Variants in WDR48 observed in about 807,000 individuals in gnomAD.
WDR48 encodes the protein WD repeat-containing protein 48.
WDR48 carries 22 observed loss-of-function variants against 94.0 expected under a neutral mutation model. That is an observed-to-expected ratio of 0.23 (90% CI 0.17 to 0.33). WDR48 has a LOEUF of 0.33. Among genes scored for constraint, WDR48 ranks in the 10% least tolerant of loss-of-function variants. WDR48 has a pLI of 1.00. For missense variants in WDR48, 541 were observed against 813.8 expected (o/e 0.66, Z 4.08); for synonymous variants, 278 against 280.5 (o/e 0.99, Z 0.09).
intron 1 of WDR48, chr3:39,052,499 G>C (rs1375720898): frequency 1.1e-5 from 2 of 177,718 alleles, no homozygotes; most frequent in African/African-American, 4.8e-5. Flanking sequence ...CTTGTGCGGG[G>C]GCGTGGCGAG....
intron 17 of WDR48, 35 bp from the exon 18 acceptor site, chr3:39,093,839 C>A: frequency 6.8e-7 from 1 of 1,472,860 alleles, no homozygotes; most frequent in African/African-American, 1.4e-5. Flanking sequence ...CTAGTGATTT[C>A]CCTGATGTCA....
intron 1 of WDR48, 39 bp downstream of exon 1, chr3:39,052,112 G>C (rs752444636): frequency 2.5e-6 from 4 of 1,611,024 alleles, no homozygotes; most frequent in Non-Finnish European, 3.4e-6. Flanking sequence ...GGACGCGGCC[G>C]GCAGCTCCGG....
intron 1 of WDR48, among the ~76,000 whole-genome samples, chr3:39,054,473 C>T (rs537548334): frequency 6.6e-6 from 1 of 152,262 alleles, no homozygotes; most frequent in East Asian, 1.9e-4. Flanking sequence ...GGTTGAGAAC[C>T]GCTGTTCTAT....
chr3:39,083,858 G>A (rs2034659867), intron 11 of WDR48, among the ~76,000 whole-genome samples: 1 of 152,174 alleles, frequency 6.6e-6, no homozygotes, highest in Non-Finnish European at 1.5e-5. Flanking sequence ...TGAGAAGATG[G>A]CCGACAACTG....
rs1271257696 is a variant in WDR48 at position 39,093,812 on chromosome 3, T to C, written c.1746-62T>C. ...AAATGTTTGCATCAAAGAAAAATAA[T>C]ATGGAATAAATAATATCTAGTGATT... is the stretch of plus-strand genomic sequence containing the variant. On this transcript the variant is annotated intron_variant, in intron 17 of 18. Coordinates refer to ENST00000302313, the MANE Select transcript of WDR48 (RefSeq NM_020839.4). 2.2e-6 allele frequency: 3 copies of C among 1,380,034 alleles called. No individual in the cohort carries two copies. The African/African-American group carries it at 4.4e-5, about 20-fold the overall frequency. The allele number at this position is 1,380,034 out of a possible 1,614,324, so 85.5% of individuals were successfully genotyped here. A position where few individuals can be genotyped will look rare whatever the true frequency, so the allele number is the denominator to read the frequency against.
At chr3:39,066,107 G>A (rs186635405) in intron 3 of WDR48, among the ~76,000 whole-genome samples, 1 of 152,248 alleles carries the variant, frequency 6.6e-6, no homozygotes, top group African/African-American at 2.4e-5. Context: ...CTTGCCCCAA[G>A]GTAACTGCTC....
chr3:39,057,901 G>T lies in WDR48; in HGVS notation c.49-5149G>T, dbSNP rs192483568. The stretch of plus-strand genomic sequence containing the variant: ...CTCCCAAAGCTGGGATTACAGGCAT[G>T]AGCCACTGCGCCTGGCCCCTGGTTA... On this transcript the variant is annotated intron_variant, in intron 1 of 18. Coordinates refer to ENST00000302313, the MANE Select transcript of WDR48 (RefSeq NM_020839.4). 1.3e-4 allele frequency among the ~76,000 whole-genome samples: 20 copies of T among 152,336 alleles called. 1 individual carries two copies. Among genetic ancestry groups the T allele is most frequent in the African/African-American group, 4.8e-4 (20 of 41,582 alleles).
rs1417493580 is a variant in WDR48, at chr3:39,078,189, G to A, written c.1025G>A (p.Cys342Tyr). ...GCCTCTGGAGATTATGACAATGACT[G>A]TACAAATCCTATAACACCTCTTTGT... ...FRASGDYDND[C>Y]TNPITPLCTQ... Residue 342 changes from cysteine (C) to tyrosine (Y), a missense_variant, in exon 10 of 19, where the codon TGT becomes TAT. By Grantham distance (194) the Cys-to-Tyr change is radical (BLOSUM62 -2). Coordinates refer to ENST00000302313, the MANE Select transcript of WDR48 (RefSeq NM_020839.4). The A allele has an allele frequency of 6.2e-7, 1 of 1,613,134 alleles. No individual in the cohort carries two copies. The highest frequency in any genetic ancestry group is 1.1e-5 in the South Asian group (1 of 91,008).
chr3:39,085,429 A>G, intron 13 of WDR48, 86 bp from the exon 14 acceptor site: 1 of 1,096,102 alleles, frequency 9.1e-7, no homozygotes, highest in South Asian at 1.3e-5. Context: ...GAATATGTAC[A>G]AACTTACAAT....
intron 14 of WDR48, among the ~76,000 whole-genome samples, chr3:39,085,909 A>C (rs1254459912): frequency 6.6e-6 from 1 of 152,204 alleles, no homozygotes; most frequent in Non-Finnish European, 1.5e-5. Flanking sequence ...CTTATTTCCA[A>C]AATATTCTTC....
chr3:39,093,056 T>C lies in WDR48; in HGVS notation c.1746-818T>C, dbSNP rs189895007. On this transcript the variant is annotated intron_variant, in intron 17 of 18. Coordinates refer to ENST00000302313, the MANE Select transcript of WDR48 (RefSeq NM_020839.4). ...GAAGTAGGGTGTTGATGAGTCTAGT[T>C]TGGGACATACAGAGTTTGAGGTGCC... 2.2e-3 allele frequency among the ~76,000 whole-genome samples: 338 copies of C among 152,274 alleles called. 1 individual carries two copies. The highest frequency in any genetic ancestry group is 7.7e-3 in the African/African-American group (321 of 41,548).
chr3:39,065,769 A>G, intron 2 of WDR48, 42 bp from the exon 3 acceptor site: 1 of 1,382,268 alleles, frequency 7.2e-7, no homozygotes, highest in South Asian at 1.3e-5. Context: ...AATATATTTC[A>G]TTCTCTCATA....
intron 1 of WDR48, among the ~76,000 whole-genome samples, chr3:39,058,886 C>T (rs936808677): frequency 4.3e-4 from 66 of 152,078 alleles, no homozygotes; most frequent in African/African-American, 1.5e-3. Flanking sequence ...ACCAGCCTGG[C>T]CAAGATGGCG....
chr3:39,059,050 G>A (rs1433571248), intron 1 of WDR48, among the ~76,000 whole-genome samples: 6 of 148,298 alleles, frequency 4.0e-5, no homozygotes, highest in Non-Finnish European at 1.5e-5. Flanking sequence ...ACTCCAGCCT[G>A]GGCGATACAG....
chr3:39,058,927 T>C (rs566861586), intron 1 of WDR48, among the ~76,000 whole-genome samples: 227 of 151,956 alleles, frequency 1.5e-3, no homozygotes, highest in African/African-American at 5.4e-3. Context: ...ATACAAAAAT[T>C]AGCTGGGCGC....
chr3:39,074,632 G>A, intron 7 of WDR48, 94 bp from the exon 8 acceptor site: 1 of 1,237,824 alleles, frequency 8.1e-7, no homozygotes, highest in South Asian at 1.4e-5. Context: ...AGAGTCGTGT[G>A]TTTGACAGTG....
chr3:39,053,284 A>G (rs1330407983), intron 1 of WDR48, among the ~76,000 whole-genome samples: 1 of 152,236 alleles, frequency 6.6e-6, no homozygotes, highest in Admixed American at 6.5e-5. Flanking sequence ...CAAGTGTCAG[A>G]TAAAGGTAGT....
chr3:39,071,891 C>CA (rs2033955407), intron 7 of WDR48, among the ~76,000 whole-genome samples: 1 of 152,064 alleles, frequency 6.6e-6, no homozygotes, highest in Admixed American at 6.6e-5. Flanking sequence ...AATTGACCAA[C>CA]AAAAAACTAT....
Position 39,089,310 on chromosome 3 carries a change from A to G in WDR48, c.1660A>G (p.Thr554Ala). 1 of 1,612,312 alleles carries G rather than the reference A, an allele frequency of 6.2e-7. No homozygotes were observed. Among genetic ancestry groups the G allele is most frequent in the Non-Finnish European group, 8.5e-7 (1 of 1,179,156 alleles). Residue 554 changes from threonine to alanine, a missense_variant, in exon 16 of 19, where the codon ACT (threonine) becomes GCT (alanine). Thr to Ala is a moderately conservative substitution (Grantham distance 58). Coordinates refer to ENST00000302313, the MANE Select transcript of WDR48 (RefSeq NM_020839.4). ...ETVPQWVIDI[T>A]VDKNMPKFNK... ...AGTGCCACAATGGGTAATTGACATC[A>G]CTGTGGATGTAAGTATCCTCCACTC...
Sources: gnomAD v4.1 joint callset for allele counts (sites outside exome capture counted in the v4.1 genomes callset) on GRCh38, gnomAD v4.1.1 for gene constraint, MANE v1.5 for transcripts, NCBI Gene and HGNC (gene_info 2026-07-23, HGNC 2026-07-21) for gene names.